RAPGEF5: variants seen among roughly 807,000 people sequenced by gnomAD.
RAPGEF5 encodes Rap guanine nucleotide exchange factor 5.
In RAPGEF5, 65 loss-of-function variants were observed where a neutral mutation model predicts 125.2. The observed-to-expected ratio is 0.52, with a 90% CI of 0.43 to 0.64. The LOEUF (loss-of-function observed/expected upper bound fraction) is 0.64. Ranked by LOEUF, RAPGEF5 falls within the 30% of genes least tolerant of loss-of-function variation. The pLI is 0.00. For synonymous variants in RAPGEF5, 391 were observed against 385.9 expected (o/e 1.01, Z -0.16); for missense variants, 958 against 1,048.1 (o/e 0.91, Z 1.19).
At chr7:22,277,369 A>C (rs749379679) in intron 6 of RAPGEF5, among the ~76,000 whole-genome samples, 1 of 152,236 alleles carries the variant, frequency 6.6e-6, no homozygotes, top group Non-Finnish European at 1.5e-5. Context: ...TCTTGTATTT[A>C]ACAAGAAATG....
chr7:22,206,832 T>C (rs1352599534), intron 9 of RAPGEF5, among the ~76,000 whole-genome samples: 1 of 152,042 alleles, frequency 6.6e-6, no homozygotes, highest in Admixed American at 6.5e-5. Context: ...CTCATGTGTA[T>C]AAAAATAATT....
chr7:22,350,459 G>C (rs971317947), intron 1 of RAPGEF5, among the ~76,000 whole-genome samples: 7 of 152,148 alleles, frequency 4.6e-5, no homozygotes, highest in African/African-American at 1.7e-4. Flanking sequence ...TAAGCATCCT[G>C]CCAGGGACAT....
At chr7:22,182,210 A>T (rs1583456619) in intron 11 of RAPGEF5, among the ~76,000 whole-genome samples, 1 of 152,346 alleles carries the variant, frequency 6.6e-6, no homozygotes, top group East Asian at 1.9e-4. Context: ...ACATCTGATT[A>T]TCTCACTTTA....
At chr7:22,154,693 T>C in intron 16 of RAPGEF5, 89 bp from the exon 17 acceptor site, 1 of 1,454,200 alleles carries the variant, frequency 6.9e-7, no homozygotes. Context: ...GATCAACTTT[T>C]CTAAATCAAC....
intron 23 of RAPGEF5, among the ~76,000 whole-genome samples, chr7:22,133,676 G>C (rs777597310): frequency 1.2e-4 from 19 of 152,126 alleles, no homozygotes; most frequent in Non-Finnish European, 2.4e-4. Flanking sequence ...AGGAACCCCA[G>C]TTTATCCTCA....
chr7:22,185,330 A>G (rs960938804), intron 11 of RAPGEF5, among the ~76,000 whole-genome samples: 4 of 152,190 alleles, frequency 2.6e-5, no homozygotes, highest in Non-Finnish European at 4.4e-5. Flanking sequence ...TGGTGTCTGG[A>G]GTAATCTTTG....
In RAPGEF5 at chr7:22,314,894, T is replaced by C. The variant is rs143304187; in HGVS notation, c.389+476A>G. The stretch of plus-strand genomic sequence containing the variant: ...GTTTACTCTCATATCTCTGTCAAGG[T>C]AGACACCTGCCATCCCTATGCCAAC... On this transcript the variant is annotated intron_variant, in intron 3 of 25. Coordinates refer to ENST00000665637, the MANE Select transcript of RAPGEF5 (RefSeq NM_012294.5). Among the ~76,000 whole-genome samples, 450 of 152,270 alleles carry C rather than the reference T, an allele frequency of 3.0e-3. 3 individuals are homozygous for C. The highest frequency in any genetic ancestry group is 5.2e-3 in the Non-Finnish European group (353 of 68,006).
chr7:22,132,966 C>T (rs546305029), intron 23 of RAPGEF5, among the ~76,000 whole-genome samples: 3 of 152,204 alleles, frequency 2.0e-5, no homozygotes, highest in East Asian at 1.9e-4. Context: ...CTCACCACTG[C>T]GCCTCTCCAG....
chr7:22,254,845 G>A (rs1247945758), intron 7 of RAPGEF5, among the ~76,000 whole-genome samples: 1 of 152,050 alleles, frequency 6.6e-6, no homozygotes, highest in Non-Finnish European at 1.5e-5. Context: ...AACAGGGGTC[G>A]CGCACCTGTG....
chr7:22,340,033 G>T (rs149355644), intron 1 of RAPGEF5, among the ~76,000 whole-genome samples: 2 of 152,270 alleles, frequency 1.3e-5, no homozygotes, highest in Admixed American at 6.5e-5. Flanking sequence ...TAGATTGGGT[G>T]GGGTGAGGGC....
At chr7:22,286,166 C>G (rs186655040) in intron 6 of RAPGEF5, among the ~76,000 whole-genome samples, 1 of 149,224 alleles carries the variant, frequency 6.7e-6, no homozygotes, top group African/African-American at 2.4e-5. Flanking sequence ...GACATAAATT[C>G]CCCCCCACCA....
At chr7:22,136,820 A>T in intron 22 of RAPGEF5, 113 bp downstream of exon 22, 1 of 895,294 alleles carries the variant, frequency 1.1e-6, no homozygotes, top group Non-Finnish European at 1.7e-6. Context: ...CAAGTAAACT[A>T]GTCTAGGCTA....
chr7:22,147,070 C>T (rs1783464923), intron 18 of RAPGEF5, 51 bp from the exon 19 acceptor site: 10 of 1,584,856 alleles, frequency 6.3e-6, no homozygotes, highest in Admixed American at 1.9e-5. Context: ...ATGTTTTGCA[C>T]TGCATTGGCT....
At chr7:22,324,795 G>A (rs1039540140) in intron 1 of RAPGEF5, among the ~76,000 whole-genome samples, 3 of 152,082 alleles carry the variant, frequency 2.0e-5, no homozygotes, top group Admixed American at 6.5e-5. Context: ...ATCTTCGCAC[G>A]AATTAATCTC....
chr7:22,222,335 A>G (rs2128133048), intron 8 of RAPGEF5, among the ~76,000 whole-genome samples: 1 of 152,318 alleles, frequency 6.6e-6, no homozygotes, highest in South Asian at 2.1e-4. Flanking sequence ...TATGACAGAA[A>G]AAACAATGAA....
chr7:22,264,105 T>A (rs928167353), intron 7 of RAPGEF5, among the ~76,000 whole-genome samples: 1 of 152,096 alleles, frequency 6.6e-6, no homozygotes, highest in African/African-American at 2.4e-5. Flanking sequence ...ATTTTATTAT[T>A]TCCTTATCAT....
intron 21 of RAPGEF5, among the ~76,000 whole-genome samples, chr7:22,138,421 C>A (rs1783148930): frequency 6.6e-6 from 1 of 152,198 alleles, no homozygotes; most frequent in Non-Finnish European, 1.5e-5. Flanking sequence ...TTTACCAAAG[C>A]AGTTTGCTGA....
At chr7:22,154,272 T>C (rs780220760) in intron 17 of RAPGEF5, among the ~76,000 whole-genome samples, 183 bp downstream of exon 17, 4 of 152,220 alleles carry the variant, frequency 2.6e-5, no homozygotes, top group African/African-American at 4.8e-5. Context: ...AAATTCAGTA[T>C]CCCACAGTAC....
chr7:22,298,762 G>A (rs775245990), intron 5 of RAPGEF5: 1 of 152,096 alleles, frequency 6.6e-6, no homozygotes, highest in East Asian at 1.9e-4. Context: ...CTTGTTTGAA[G>A]GGCATCAACT....
Sources: gnomAD v4.1 joint callset for allele counts (sites outside exome capture counted in the v4.1 genomes callset) on GRCh38, gnomAD v4.1.1 for gene constraint, MANE v1.5 for transcripts, NCBI Gene and HGNC (gene_info 2026-07-23, HGNC 2026-07-21) for gene names.